The following VPS13D variants were observed in gnomAD, a reference collection of about 807,000 sequenced individuals.
The protein encoded by VPS13D is vacuolar protein sorting 13 homolog D, also known as intermembrane lipid transfer protein VPS13D.
Under a neutral mutation model 461.9 loss-of-function variants are expected in VPS13D, and 187 were observed. That is an observed-to-expected ratio of 0.40 (90% CI 0.36 to 0.46). VPS13D has a LOEUF of 0.46. Ranked by LOEUF, VPS13D falls within the 20% of genes least tolerant of loss-of-function variation. The pLI, the probability that VPS13D is intolerant of heterozygous loss-of-function variation, is 0.60. For synonymous variants in VPS13D, 1,951 were observed against 1,986.3 expected (o/e 0.98, Z 0.47); for missense variants, 4,711 against 5,364.9 (o/e 0.88, Z 3.81).
intron 67 of VPS13D, among the ~76,000 whole-genome samples, chr1:12,479,224 A>G (rs1408355735): frequency 6.6e-6 from 1 of 152,262 alleles, no homozygotes; most frequent in Admixed American, 6.5e-5. Flanking sequence ...ATAGTCAGAA[A>G]GAAAGGGCTG....
intron 26 of VPS13D, among the ~76,000 whole-genome samples, chr1:12,307,341 G>A (rs542099470): frequency 3.9e-5 from 6 of 152,262 alleles, no homozygotes; most frequent in Non-Finnish European, 8.8e-5. Context: ...AGGCTGTTGA[G>A]GCAGCAAAGA....
chr1:12,421,469 A>T (rs1644862637), intron 65 of VPS13D, among the ~76,000 whole-genome samples: 1 of 152,120 alleles, frequency 6.6e-6, no homozygotes. Flanking sequence ...TCTGCAAGAC[A>T]CTCTAACATC....
At chr1:12,393,871 C>G (rs1384546360) in intron 60 of VPS13D, among the ~76,000 whole-genome samples, 1 of 152,092 alleles carries the variant, frequency 6.6e-6, no homozygotes, top group African/African-American at 2.4e-5. Flanking sequence ...GTCTGGGGAC[C>G]CACTGGACCC....
Position 12,494,443 on chromosome 1 carries a change from G to T in VPS13D, c.12663-3057G>T, listed in dbSNP as rs187725184. ...AAATAACTGTTTACACTAGAAAGCT[G>T]TTTGATCGTGTGAGAAGATCAACAA... On this transcript the variant is annotated intron_variant, in intron 67 of 69. Transcript: ENST00000620676. Among the ~76,000 whole-genome samples, 10 of 152,288 alleles carry T rather than the reference G, an allele frequency of 6.6e-5. No homozygotes were observed. In the East Asian group the frequency reaches 1.9e-3, roughly 29 times the overall value.
chr1:12,468,761 G>A (rs1374330907), intron 67 of VPS13D, among the ~76,000 whole-genome samples: 4 of 152,186 alleles, frequency 2.6e-5, no homozygotes, highest in South Asian at 2.1e-4. Context: ...GGCTGGGCGC[G>A]GTGGCTCACG....
chr1:12,233,283 G>C (rs796830027), intron 1 of VPS13D, among the ~76,000 whole-genome samples: 6 of 152,300 alleles, frequency 3.9e-5, no homozygotes, highest in African/African-American at 1.4e-4. Context: ...TGGGACTCCA[G>C]GCGTGAGCCA....
chr1:12,336,358 G>C (rs1231082802), intron 39 of VPS13D: 3 of 152,726 alleles, frequency 2.0e-5, no homozygotes, highest in Admixed American at 2.0e-4. Context: ...TGAAGAAAGA[G>C]GAGTCAGCTT....
intron 5 of VPS13D, among the ~76,000 whole-genome samples, chr1:12,245,129 C>G (rs773971537): frequency 3.3e-5 from 5 of 152,174 alleles, no homozygotes; most frequent in Non-Finnish European, 7.3e-5. Flanking sequence ...GGCAATTTGA[C>G]GAGTTACAGG....
intron 25 of VPS13D, among the ~76,000 whole-genome samples, chr1:12,304,273 A>G (rs1642500846): frequency 6.6e-6 from 1 of 152,244 alleles, no homozygotes; most frequent in Non-Finnish European, 1.5e-5. Context: ...TTCAGCAAGT[A>G]TTGAACTATA....
At chr1:12,281,392 C>T (rs1434165237) in intron 20 of VPS13D, among the ~76,000 whole-genome samples, 1 of 152,062 alleles carries the variant, frequency 6.6e-6, no homozygotes, top group African/African-American at 2.4e-5. Flanking sequence ...CCCCCCATGT[C>T]GTATTTTGTT....
intron 65 of VPS13D, 30 bp downstream of exon 65, chr1:12,416,857 A>G (rs753173849): frequency 6.3e-7 from 1 of 1,595,028 alleles, no homozygotes; most frequent in South Asian, 1.1e-5. Context: ...ATTCCATTAT[A>G]ATTAACCTCA....
In VPS13D at chr1:12,323,873, G is replaced by A. The variant is rs563261804; in HGVS notation, c.7990+93G>A. The A allele has an allele frequency of 6.7e-5, 90 of 1,342,376 alleles. No individual in the cohort carries two copies. In the Middle Eastern group the frequency reaches 2.5e-3, roughly 38 times the overall value. The allele number at this position is 1,342,376 out of a possible 1,614,324, so 83.2% of individuals were successfully genotyped here. ...TTACTTCCACAAGGTGACTTAGAGA[G>A]CTGAGTGTGTTTGGAGGACGCTTTA... On this transcript the variant is annotated intron_variant, in intron 35 of 69. Transcript: ENST00000620676.
intron 69 of VPS13D, among the ~76,000 whole-genome samples, chr1:12,508,027 C>G (rs1044696183): frequency 5.3e-5 from 8 of 152,224 alleles, no homozygotes; most frequent in Non-Finnish European, 7.3e-5. Flanking sequence ...TTTGGCCTCC[C>G]CCTGCTCATG....
chr1:12,383,203 C>T (rs1644305949), intron 58 of VPS13D, 48 bp downstream of exon 58: 2 of 1,532,310 alleles, frequency 1.3e-6, no homozygotes, highest in Non-Finnish European at 1.8e-6. Context: ...ACTTCCTCCA[C>T]CCCCAATGAT....
chr1:12,281,700 C>T (rs1033756936), intron 20 of VPS13D, among the ~76,000 whole-genome samples: 1 of 152,082 alleles, frequency 6.6e-6, no homozygotes, highest in Non-Finnish European at 1.5e-5. Context: ...CTTGATTTCT[C>T]CATTGCAAAA....
intron 66 of VPS13D, among the ~76,000 whole-genome samples, chr1:12,458,944 G>A (rs1393775770): frequency 6.6e-6 from 1 of 152,220 alleles, no homozygotes; most frequent in Non-Finnish European, 1.5e-5. Context: ...ACTCCATTGA[G>A]GGTCCCAGCC....
intron 65 of VPS13D, among the ~76,000 whole-genome samples, chr1:12,433,263 A>C (rs375581352): frequency 3.4e-4 from 52 of 150,778 alleles, no homozygotes; most frequent in East Asian, 1.5e-3. Flanking sequence ...TTGGGGAAAA[A>C]AAAAAAACAA....
chr1:12,356,609 TAGA>T, intron 49 of VPS13D, 85 bp downstream of exon 49: 2 of 1,518,946 alleles, frequency 1.3e-6, no homozygotes. Context: ...TCCGTGTAAG[TAGA>T]AATATACTGT....
chr1:12,425,562 T>TAA (rs79970313), intron 65 of VPS13D, among the ~76,000 whole-genome samples: 2 of 142,682 alleles, frequency 1.4e-5, no homozygotes, highest in Non-Finnish European at 1.5e-5. Flanking sequence ...GTTTCTGTCT[T>TAA]AAAAAAAAAA....
Sources: gnomAD v4.1 joint callset for allele counts (sites outside exome capture counted in the v4.1 genomes callset) on GRCh38, gnomAD v4.1.1 for gene constraint, MANE v1.5 for transcripts, NCBI Gene and HGNC (gene_info 2026-07-23, HGNC 2026-07-21) for gene names.